Variants in RORA observed in about 807,000 individuals in gnomAD.
The protein encoded by RORA is nuclear receptor ROR-alpha.
In RORA, 7 loss-of-function variants were observed where a neutral mutation model predicts 69.5. The observed-to-expected ratio is 0.10, with a 90% CI of 0.06 to 0.19. The LOEUF (loss-of-function observed/expected upper bound fraction) is 0.19, where lower values mean the gene tolerates loss of function less well. Among genes scored for constraint, RORA ranks in the 10% least tolerant of loss-of-function variants. The pLI, the probability that RORA is intolerant of heterozygous loss-of-function variation, is 1.00. For synonymous variants in RORA, 261 were observed against 240.8 expected, an observed-to-expected ratio of 1.08 and a Z score of -0.78; for missense variants, 457 against 663.0, an observed-to-expected ratio of 0.69 and a Z score of 3.41.
chr15:60,691,913 C>T (rs2070833102), intron 1 of RORA, among the ~76,000 whole-genome samples: 1 of 152,230 alleles, frequency 6.6e-6, no homozygotes, highest in African/African-American at 2.4e-5. Flanking sequence ...AATAAAGAAT[C>T]TGCAGAAAAC....
intron 1 of RORA, among the ~76,000 whole-genome samples, chr15:60,815,916 T>TATAGTGTATATATACTATAA (rs1460846994): frequency 7.7e-6 from 1 of 129,382 alleles, no homozygotes. Flanking sequence ...ATTTATAAAC[T>TATAGTGTATATATACTATAA]ATAGTGTATA....
chr15:61,059,456 G>A (rs1431095296), intron 1 of RORA, among the ~76,000 whole-genome samples: 1 of 152,214 alleles, frequency 6.6e-6, no homozygotes, highest in Non-Finnish European at 1.5e-5. Flanking sequence ...AGTTCCCTGA[G>A]TAGCATAGAG....
At chr15:60,558,313 C>A (rs370003507) in intron 2 of RORA, 1 of 1,598,940 alleles carries the variant, frequency 6.3e-7, no homozygotes, top group South Asian at 1.1e-5. Context: ...ATCCCTGGAA[C>A]GAAAATGATA....
chr15:61,224,282 T>A (rs1211172659), intron 1 of RORA, among the ~76,000 whole-genome samples: 1 of 152,234 alleles, frequency 6.6e-6, no homozygotes, highest in East Asian at 1.9e-4. Context: ...AGACAATGAA[T>A]GTGAACAGCC....
intron 1 of RORA, among the ~76,000 whole-genome samples, chr15:61,183,540 A>AG (rs1409072337): frequency 6.6e-6 from 1 of 151,882 alleles, no homozygotes; most frequent in Non-Finnish European, 1.5e-5. Flanking sequence ...TTTCAAAAAA[A>AG]AAAAAAAAAG....
intron 1 of RORA, among the ~76,000 whole-genome samples, chr15:61,044,915 G>A (rs1433320221): frequency 6.6e-6 from 1 of 152,214 alleles, no homozygotes; most frequent in Non-Finnish European, 1.5e-5. Context: ...CACACAAGAG[G>A]CACTTGAGAA....
At chr15:61,114,195 T>C (rs1261744056) in intron 1 of RORA, among the ~76,000 whole-genome samples, 2 of 152,174 alleles carry the variant, frequency 1.3e-5, no homozygotes, top group Non-Finnish European at 2.9e-5. Flanking sequence ...AGGAGACTGA[T>C]GTCACTGCTT....
At chr15:60,748,457 T>C (rs1229441174) in intron 1 of RORA, among the ~76,000 whole-genome samples, 1 of 152,226 alleles carries the variant, frequency 6.6e-6, no homozygotes, top group African/African-American at 2.4e-5. Context: ...GTGGTTCTTA[T>C]ATATGTTAAT....
At chr15:60,586,887 C>T (rs1291903797) in intron 2 of RORA, among the ~76,000 whole-genome samples, 1 of 152,096 alleles carries the variant, frequency 6.6e-6, no homozygotes, top group Non-Finnish European at 1.5e-5. Flanking sequence ...TTTTTCAGAT[C>T]TACTTGAAAA....
In RORA at chr15:60,497,478, GCT is replaced by G; in HGVS notation, c.1547_1548del (p.Glu516AlafsTer6). 6.2e-7 allele frequency: 1 copy of G among 1,613,916 alleles called. No individual in the cohort carries two copies. On this transcript the variant is annotated frameshift_variant, in exon 11 of 11. Coordinates refer to ENST00000335670, the MANE Select transcript of RORA (RefSeq NM_134261.3). LOFTEE classifies it high-confidence loss of function. ...LYKELFTSEFEPAMQIDG is the reference protein window; with the variant it reads ...LYKELFTSEFXPAMQIDG ...ATTTACCCATCAATTTGCATTGCTG[GCT>G]CAAATTCTGAAGTGAACAACTCCTT...
intron 2 of RORA, among the ~76,000 whole-genome samples, chr15:60,625,829 C>G (rs1410873522): frequency 8.5e-5 from 13 of 152,256 alleles, no homozygotes; most frequent in Admixed American, 7.2e-4. Flanking sequence ...ATAAGGCTTA[C>G]ACCTCTAACT....
chr15:61,188,070 T>C (rs974890903), intron 1 of RORA, among the ~76,000 whole-genome samples: 2 of 152,262 alleles, frequency 1.3e-5, no homozygotes, highest in South Asian at 2.1e-4. Flanking sequence ...GCTTTTCTTT[T>C]AGCAGCTGGC....
At chr15:60,606,635 GA>G (rs1223142685) in intron 2 of RORA, among the ~76,000 whole-genome samples, 4 of 152,082 alleles carry the variant, frequency 2.6e-5, no homozygotes, top group African/African-American at 9.7e-5. Context: ...TGAAATGTTT[GA>G]AAAAGATAGT....
chr15:60,655,687 A>G (rs1301549496), intron 2 of RORA, among the ~76,000 whole-genome samples: 1 of 151,990 alleles, frequency 6.6e-6, no homozygotes, highest in Non-Finnish European at 1.5e-5. Context: ...GTCTCTTTGG[A>G]TGTTCATTTT....
At chr15:60,539,136 T>C (rs1474337860) in intron 2 of RORA, among the ~76,000 whole-genome samples, 3 of 152,116 alleles carry the variant, frequency 2.0e-5, no homozygotes, top group African/African-American at 7.2e-5. Context: ...GACTTAGTTG[T>C]GTAAGAGTTA....
intron 1 of RORA, among the ~76,000 whole-genome samples, chr15:60,817,524 C>G (rs2140374297): frequency 6.6e-6 from 1 of 152,340 alleles, no homozygotes; most frequent in Non-Finnish European, 1.5e-5. Context: ...AGTCCCCAGG[C>G]TGTGCACCTG....
At chr15:61,079,238 C>G (rs769117881) in intron 1 of RORA, among the ~76,000 whole-genome samples, 5 of 152,176 alleles carry the variant, frequency 3.3e-5, no homozygotes, top group Non-Finnish European at 5.9e-5. Context: ...TTCATTTAGA[C>G]AGTGCCTTCA....
intron 2 of RORA, among the ~76,000 whole-genome samples, chr15:60,612,716 G>T (rs1271119541): frequency 1.4e-5 from 2 of 140,468 alleles, no homozygotes; most frequent in Non-Finnish European, 3.0e-5. Flanking sequence ...GTCCCCAGGG[G>T]TAAAGTATTT....
At chr15:60,895,585 C>T (rs546961615) in intron 1 of RORA, among the ~76,000 whole-genome samples, 40 of 20,178 alleles carry the variant, frequency 2.0e-3, no homozygotes, top group African/African-American at 3.6e-3. Context: ...TTCAATAGCT[C>T]GGCATCTTGT....
Sources: allele counts gnomAD v4.1 joint callset (sites outside exome capture counted in the v4.1 genomes callset), GRCh38; gene constraint gnomAD v4.1.1; transcripts MANE v1.5; gene names NCBI Gene and HGNC (gene_info 2026-07-23, HGNC 2026-07-21).